Variants in DIAPH2 observed in about 807,000 individuals in gnomAD.
The protein encoded by DIAPH2 is protein diaphanous homolog 2.
Under a neutral mutation model 92.7 loss-of-function variants are expected in DIAPH2, and 35 were observed. That is an observed-to-expected ratio of 0.38 (90% CI 0.29 to 0.50). The LOEUF is 0.50. Among genes scored for constraint, DIAPH2 ranks in the 20% least tolerant of loss-of-function variants. The probability of loss-of-function intolerance (pLI) is 0.94; values close to 1 mark genes in which losing one functional copy is unlikely to be tolerated. For synonymous variants in DIAPH2, 301 were observed against 280.4 expected, an observed-to-expected ratio of 1.07 and a Z score of -0.73; for missense variants, 701 against 819.5, an observed-to-expected ratio of 0.86 and a Z score of 1.77.
chrX:96,751,615 A>G (rs1178021082), intron 3 of DIAPH2, among the ~76,000 whole-genome samples: 1 of 102,824 alleles, frequency 9.7e-6, no homozygotes, highest in Non-Finnish European at 2.0e-5. Context: ...AATAATAAAA[A>G]TAACATTATA....
chrX:97,336,356 C>G (rs1429730956), intron 23 of DIAPH2, among the ~76,000 whole-genome samples: 1 of 107,738 alleles, frequency 9.3e-6, no homozygotes, highest in Non-Finnish European at 1.9e-5. Flanking sequence ...GCCGGTTCTC[C>G]TGCCTCAGCC....
chrX:97,553,109 A>G (rs992682503), intron 26 of DIAPH2, among the ~76,000 whole-genome samples: 4 of 112,296 alleles, frequency 3.6e-5, no homozygotes, highest in Non-Finnish European at 7.5e-5. Context: ...TCAGCCCATA[A>G]TACTGCATTT....
intron 23 of DIAPH2, among the ~76,000 whole-genome samples, chrX:97,327,037 A>T (rs1223556097): frequency 2.7e-5 from 3 of 112,568 alleles, no homozygotes; most frequent in Admixed American, 9.4e-5. Flanking sequence ...ATTCTAAAAT[A>T]AGAGTACTCA....
At chrX:97,155,291 A>G (rs866569413) in intron 22 of DIAPH2, among the ~76,000 whole-genome samples, 13 of 111,204 alleles carry the variant, frequency 1.2e-4, no homozygotes, top group African/African-American at 4.3e-4. Context: ...TCACGAGGTC[A>G]GGAGTTCAAG....
At chrX:97,020,217 A>G (rs1275106774) in intron 17 of DIAPH2, among the ~76,000 whole-genome samples, 1 of 112,530 alleles carries the variant, frequency 8.9e-6, no homozygotes, top group Non-Finnish European at 1.9e-5. Flanking sequence ...AACCTGAAGC[A>G]TACTATATAA....
At chrX:96,991,046 G>A (rs5921077) in intron 17 of DIAPH2, among the ~76,000 whole-genome samples, 44,968 of 109,363 alleles carry the variant, frequency 0.41, 7,069 homozygotes, top group South Asian at 0.56. Context: ...AAGCATTGTT[G>A]TAATTGTCTT....
intron 17 of DIAPH2, among the ~76,000 whole-genome samples, chrX:96,986,198 C>T (rs748818461): frequency 1.8e-5 from 2 of 111,062 alleles, no homozygotes; most frequent in South Asian, 7.5e-4. Context: ...GCTCACTAAA[C>T]GTTTGGTGTT....
At chrX:96,824,046 C>CGTGT (rs1213282021) in intron 4 of DIAPH2, among the ~76,000 whole-genome samples, 2 of 110,328 alleles carry the variant, frequency 1.8e-5, no homozygotes, top group African/African-American at 6.6e-5. Flanking sequence ...TCCCTCCACA[C>CGTGT]TCTGATCATT....
At chrX:96,718,589 G>C (rs1401422563) in intron 1 of DIAPH2, among the ~76,000 whole-genome samples, 3 of 108,538 alleles carry the variant, frequency 2.8e-5, no homozygotes, top group African/African-American at 1.0e-4. Context: ...CCTGACCTCA[G>C]GTAATCCACC....
intron 24 of DIAPH2, among the ~76,000 whole-genome samples, chrX:97,353,636 G>A (rs1438459138): frequency 1.8e-5 from 2 of 110,795 alleles, no homozygotes; most frequent in East Asian, 5.6e-4. Context: ...AAATGTTACC[G>A]TTGCTTTTAA....
At chrX:97,328,174 C>T (rs1482364556) in intron 23 of DIAPH2, among the ~76,000 whole-genome samples, 4 of 111,525 alleles carry the variant, frequency 3.6e-5, no homozygotes, top group Non-Finnish European at 7.5e-5. Context: ...GTGTCTCATG[C>T]CTGTAATCCC....
At chrX:96,893,722 C>G (rs1490744333) in intron 5 of DIAPH2, among the ~76,000 whole-genome samples, 2 of 112,219 alleles carry the variant, frequency 1.8e-5, no homozygotes, top group Admixed American at 1.9e-4. Context: ...CCCTGAGGCT[C>G]TCCCCTTGGA....
At chrX:97,303,938 A>T (rs2147630713) in intron 23 of DIAPH2, among the ~76,000 whole-genome samples, 1 of 111,676 alleles carries the variant, frequency 9.0e-6, no homozygotes, top group East Asian at 2.8e-4. Flanking sequence ...GACACAGGAC[A>T]AAATTGTTAA....
intron 26 of DIAPH2, among the ~76,000 whole-genome samples, chrX:97,511,472 C>T (rs2070892367): frequency 1.9e-5 from 2 of 107,381 alleles, no homozygotes; most frequent in African/African-American, 6.8e-5. Context: ...AACTTGACTT[C>T]CTCTTTTCCT....
chrX:96,866,223 C>G (rs2065103894), intron 4 of DIAPH2, among the ~76,000 whole-genome samples: 1 of 111,806 alleles, frequency 8.9e-6, no homozygotes, highest in African/African-American at 3.2e-5. Flanking sequence ...ATATTCCTCT[C>G]AATGCTTAGG....
chrX:97,556,021 A>G (rs1367645636), intron 26 of DIAPH2, among the ~76,000 whole-genome samples: 1 of 112,004 alleles, frequency 8.9e-6, no homozygotes, highest in Non-Finnish European at 1.9e-5. Context: ...ACTTTGGTAG[A>G]GAAGCAGTTT....
intron 26 of DIAPH2, chrX:97,449,516 A>T (rs745695018): frequency 5.4e-4 from 74 of 138,200 alleles, no homozygotes; most frequent in African/African-American, 2.2e-3. Flanking sequence ...TAGCAGGTAA[A>T]CGACTTTATG....
intron 5 of DIAPH2, among the ~76,000 whole-genome samples, chrX:96,904,127 G>C (rs2065417296): frequency 8.9e-6 from 1 of 111,934 alleles, no homozygotes; most frequent in African/African-American, 3.2e-5. Flanking sequence ...AACGCAGCCA[G>C]AGAGAAAGAT....
At chrX:96,964,871 A>G (rs756447098) in intron 16 of DIAPH2, among the ~76,000 whole-genome samples, 6 of 110,985 alleles carry the variant, frequency 5.4e-5, no homozygotes, top group African/African-American at 1.6e-4. Context: ...TTAAGGTGCA[A>G]TTTGCTTTGT....
Sources: gnomAD v4.1 joint callset for allele counts (sites outside exome capture counted in the v4.1 genomes callset) on GRCh38, gnomAD v4.1.1 for gene constraint, MANE v1.5 for transcripts, NCBI Gene and HGNC (gene_info 2026-07-23, HGNC 2026-07-21) for gene names.